USP4: variants seen among roughly 807,000 people sequenced by gnomAD.
The protein encoded by USP4 is ubiquitin specific peptidase 4.
In USP4, 72 loss-of-function variants were observed where a neutral mutation model predicts 118.2. The ratio of observed to expected loss-of-function variants is 0.61; its 90% CI spans 0.50 to 0.74. USP4 has a LOEUF of 0.74. Ranked by LOEUF, USP4 falls within the 30% of genes least tolerant of loss-of-function variation. The pLI, the probability that USP4 is intolerant of heterozygous loss-of-function variation, is 0.00. For synonymous variants in USP4, 415 were observed against 440.4 expected, an observed-to-expected ratio of 0.94 and a Z score of 0.72; for missense variants, 1,037 against 1,185.7, an observed-to-expected ratio of 0.87 and a Z score of 1.84.
chr3:49,315,322 T>C (rs1054302229), intron 6 of USP4, among the ~76,000 whole-genome samples: 1 of 152,292 alleles, frequency 6.6e-6, no homozygotes, highest in Middle Eastern at 3.4e-3. Flanking sequence ...CATTCCAGTC[T>C]GGGCAACAAA....
In USP4 at chr3:49,321,719, C is replaced by T. The variant is rs184014584; in HGVS notation, c.695+2983G>A. On this transcript the variant is annotated intron_variant, in intron 6 of 21. Coordinates refer to ENST00000265560, the MANE Select transcript of USP4 (RefSeq NM_003363.4). ...CTATTATTGATTTTTTTTGGCCGGGCGCCGTGGCTTATGCCTGTAATCCCA... is the reference window on the plus strand; with the variant it reads ...CTATTATTGATTTTTTTTGGCCGGGTGCCGTGGCTTATGCCTGTAATCCCA... Among the ~76,000 whole-genome samples the T allele has an allele frequency of 2.4e-4, 37 of 152,062 alleles. No homozygotes were observed. The East Asian group carries it at 7.2e-3, about 29-fold the overall frequency.
In USP4 at chr3:49,284,603, TCAG is replaced by T. The variant is rs771837168; in HGVS notation, c.2272-22_2272-20del. 4 of 1,604,672 alleles carry T rather than the reference TCAG, an allele frequency of 2.5e-6. No homozygotes were observed. In the Admixed American group the frequency reaches 6.7e-5, roughly 27 times the overall value. On this transcript the variant is annotated intron_variant, in intron 17 of 21. Coordinates refer to ENST00000265560, the MANE Select transcript of USP4 (RefSeq NM_003363.4). ...CGTAGGCCTATGGGAATCAAAGCAC[TCAG>T]TTCTGCTGGAGAAAGAGATCTTACT...
At chr3:49,322,010 A>T (rs1460624797) in intron 6 of USP4, among the ~76,000 whole-genome samples, 1 of 152,072 alleles carries the variant, frequency 6.6e-6, no homozygotes, top group East Asian at 1.9e-4. Flanking sequence ...AAACAAAAAA[A>T]CAAAACCCCT....
chr3:49,327,847 G>A lies in USP4; in HGVS notation c.230-31C>T, dbSNP rs146143821. The A allele has an allele frequency of 7.2e-5, 115 of 1,595,034 alleles. No individual in the cohort carries two copies. The Middle Eastern group carries it at 1.0e-3, about 14-fold the overall frequency. ...AAAGGAAAAGAGCACATAAGTCACT[G>A]CTCTTTACCCCAGAAATGATGGTTT... On this transcript the variant is annotated intron_variant, in intron 2 of 21. Transcript: ENST00000265560.
chr3:49,326,909 C>T (rs1039881743), intron 3 of USP4, among the ~76,000 whole-genome samples: 3 of 151,716 alleles, frequency 2.0e-5, no homozygotes, highest in African/African-American at 7.3e-5. Context: ...ACCATGTTGG[C>T]CAGGGTGGTC....
At chr3:49,278,784 A>T (rs550686138) in intron 21 of USP4, 30 bp downstream of exon 21, 5 of 1,494,212 alleles carry the variant, frequency 3.3e-6, no homozygotes, top group Non-Finnish European at 4.6e-6. Context: ...TAACGACATG[A>T]GGAAGAACCA....
intron 19 of USP4, among the ~76,000 whole-genome samples, chr3:49,281,056 C>T (rs938446199): frequency 7.9e-5 from 12 of 152,100 alleles, no homozygotes; most frequent in African/African-American, 2.7e-4. Flanking sequence ...TGTGGTGGCT[C>T]ATGCCTGTAA....
chr3:49,299,255 A>G (rs1414565168), intron 11 of USP4, among the ~76,000 whole-genome samples: 2 of 150,074 alleles, frequency 1.3e-5, no homozygotes, highest in Non-Finnish European at 3.0e-5. Flanking sequence ...ACGCCTGGAT[A>G]ATTTTTGTAT....
chr3:49,288,224 C>T (rs1198698591), intron 15 of USP4, among the ~76,000 whole-genome samples: 11 of 152,330 alleles, frequency 7.2e-5, no homozygotes, highest in Non-Finnish European at 1.3e-4. Flanking sequence ...TGCTGCCTCT[C>T]GGAGAAGGGC....
intron 6 of USP4, among the ~76,000 whole-genome samples, chr3:49,322,333 A>G (rs1309896372): frequency 1.3e-5 from 2 of 152,106 alleles, no homozygotes; most frequent in African/African-American, 4.8e-5. Flanking sequence ...CAGTTTATCC[A>G]TTTACTTTTG....
At chr3:49,299,684 G>A (rs1234211920) in intron 11 of USP4, among the ~76,000 whole-genome samples, 7 of 152,084 alleles carry the variant, frequency 4.6e-5, no homozygotes, top group South Asian at 4.2e-4. Context: ...GAGCCACCGC[G>A]CCCGGCCCTC....
chr3:49,303,678 T>A (rs1390655667), intron 9 of USP4, among the ~76,000 whole-genome samples: 1 of 152,106 alleles, frequency 6.6e-6, no homozygotes, highest in Non-Finnish European at 1.5e-5. Context: ...GCTCCACACT[T>A]CCCTAATACC....
chr3:49,316,915 C>T, intron 6 of USP4: 1 of 611,408 alleles, frequency 1.6e-6, no homozygotes. Flanking sequence ...GACCCACAGG[C>T]TGTGCCCCGG....
At chr3:49,282,034 A>G (rs1228241263) in intron 19 of USP4, among the ~76,000 whole-genome samples, 3 of 151,848 alleles carry the variant, frequency 2.0e-5, no homozygotes, top group Admixed American at 2.0e-4. Flanking sequence ...ACAAAACAAA[A>G]AAAACAACAA....
intron 19 of USP4, among the ~76,000 whole-genome samples, chr3:49,281,540 A>C (rs997488298): frequency 6.7e-6 from 1 of 148,226 alleles, no homozygotes; most frequent in African/African-American, 2.5e-5. Flanking sequence ...ACATATATAC[A>C]TTTATATATA....
chr3:49,324,488 C>T (rs1361049469), intron 6 of USP4, among the ~76,000 whole-genome samples: 3 of 152,176 alleles, frequency 2.0e-5, no homozygotes, highest in Non-Finnish European at 1.5e-5. Flanking sequence ...AGCAGAGGCT[C>T]GCCACCTTGC....
Position 49,278,863 on chromosome 3 carries a change from T to C in USP4, c.2684A>G (p.Tyr895Cys), listed in dbSNP as rs762209121. The change falls in exon 21 of 22, where the codon TAT (tyrosine) becomes TGT (cysteine). Residue 895 changes from tyrosine (Y) to cysteine (C), a missense_variant. This residue lies in a region of USP4 where 522 missense variants were observed against 592.6 expected (regional missense o/e 0.88). Transcript: ENST00000265560. ...YAKNKLNGKW[Y>C]YFDDSNVSLA... ...GGACACGTTGCTATCATCAAAGTAATACCATTTACCATTCAGTTTGTTCTT... is the reference window on the plus strand; with the variant it reads ...GGACACGTTGCTATCATCAAAGTAACACCATTTACCATTCAGTTTGTTCTT... 6.2e-7 allele frequency: 1 copy of C among 1,613,006 alleles called. No individual in the cohort carries two copies. The highest frequency in any genetic ancestry group is 8.5e-7 in the Non-Finnish European group (1 of 1,179,570).
chr3:49,337,139 G>A (rs868009987), intron 1 of USP4, among the ~76,000 whole-genome samples: 13 of 152,024 alleles, frequency 8.6e-5, no homozygotes, highest in African/African-American at 2.9e-4. Context: ...TTAGCTGAGC[G>A]TGGTGGCACA....
At chr3:49,335,967 G>T (rs965640709) in intron 1 of USP4, among the ~76,000 whole-genome samples, 3 of 151,866 alleles carry the variant, frequency 2.0e-5, no homozygotes, top group African/African-American at 7.3e-5. Flanking sequence ...AGGTTCAAGC[G>T]ATTCTCCTGC....
Sources: gnomAD v4.1 joint callset for allele counts (sites outside exome capture counted in the v4.1 genomes callset) on GRCh38, gnomAD v4.1.1 for gene constraint, gnomAD v4.1.1 regional missense constraint, MANE v1.5 for transcripts, NCBI Gene and HGNC (gene_info 2026-07-23, HGNC 2026-07-21) for gene names.